CERS3: variants seen among roughly 807,000 people sequenced by gnomAD.
CERS3 encodes ceramide synthase 3.
CERS3 carries 33 observed loss-of-function variants against 50.3 expected under a neutral mutation model. The observed-to-expected ratio is 0.66, with a 90% confidence interval of 0.50 to 0.88. CERS3 has a LOEUF of 0.88. Among genes scored for constraint, CERS3 ranks in the 40% least tolerant of loss-of-function variants. The probability of loss-of-function intolerance (pLI) is 0.00; values close to 1 mark genes in which losing one functional copy is unlikely to be tolerated. For missense variants in CERS3, 470 were observed against 460.3 expected (o/e 1.02, Z -0.19); for synonymous variants, 176 against 155.2 (o/e 1.13, Z -0.99).
At chr15:100,421,029 G>A (rs1327396691) in intron 11 of CERS3, among the ~76,000 whole-genome samples, 2 of 145,136 alleles carry the variant, frequency 1.4e-5, no homozygotes, top group East Asian at 4.1e-4. Context: ...GCACAAGACA[G>A]GGATGCCCTC....
rs1477105561 is a variant in CERS3, at chr15:100,402,789, C to T, written c.1076G>A (p.Gly359Asp). The change falls in exon 12 of 12, where the codon GGC (glycine) becomes GAC (aspartate). Residue 359 changes from glycine (G) to aspartate (D), a missense_variant. Transcript: ENST00000679737. Reference protein sequence around the residue: ...EEEEEEEATKGKEMDCLKNGL... With the variant: ...EEEEEEEATKDKEMDCLKNGL... Reference sequence around the variant, plus strand: ...GTTCTTTAAACAATCCATCTCTTTGCCTTTGGTAGCCTCTTCTTCTTCCTC... The same window carrying T: ...GTTCTTTAAACAATCCATCTCTTTGTCTTTGGTAGCCTCTTCTTCTTCCTC... 2 of 1,614,158 alleles carry T rather than the reference C, an allele frequency of 1.2e-6. No individual in the cohort carries two copies. Among genetic ancestry groups the T allele is most frequent in the Non-Finnish European group, 1.7e-6 (2 of 1,180,012 alleles).
At chr15:100,469,201 CAG>C (rs1425198613) in intron 10 of CERS3, among the ~76,000 whole-genome samples, 175 bp downstream of exon 10, 1 of 152,220 alleles carries the variant, frequency 6.6e-6, no homozygotes, top group African/African-American at 2.4e-5. Flanking sequence ...TTCCACACCA[CAG>C]AGTGTTGTTT....
At chr15:100,478,168 G>T (rs2035192505) in intron 7 of CERS3, among the ~76,000 whole-genome samples, 1 of 151,946 alleles carries the variant, frequency 6.6e-6, no homozygotes, top group East Asian at 1.9e-4. Context: ...GTAGAGAACT[G>T]GGATCCATTA....
chr15:100,481,818 A>G (rs550588875), intron 5 of CERS3, among the ~76,000 whole-genome samples: 2 of 152,302 alleles, frequency 1.3e-5, no homozygotes, highest in East Asian at 3.9e-4. Context: ...GAAGCCCTAA[A>G]CCAGGGATTC....
At chr15:100,450,704 T>A (rs2034130500) in intron 11 of CERS3, among the ~76,000 whole-genome samples, 1 of 152,180 alleles carries the variant, frequency 6.6e-6, no homozygotes, top group Non-Finnish European at 1.5e-5. Flanking sequence ...TACAAGAAGT[T>A]CAGAGATTCA....
At chr15:100,446,530 T>C (rs1395976532) in intron 11 of CERS3, among the ~76,000 whole-genome samples, 2 of 152,142 alleles carry the variant, frequency 1.3e-5, no homozygotes, top group Admixed American at 6.5e-5. Context: ...TTTACTAAAG[T>C]TGGAAAACTA....
intron 11 of CERS3, among the ~76,000 whole-genome samples, chr15:100,451,611 G>A (rs991274103): frequency 6.6e-6 from 1 of 152,178 alleles, no homozygotes; most frequent in Non-Finnish European, 1.5e-5. Flanking sequence ...GAAGGCTGAG[G>A]TGGGAGAATG....
At chr15:100,484,414 C>A in intron 5 of CERS3, 136 bp downstream of exon 5, 1 of 638,720 alleles carries the variant, frequency 1.6e-6, no homozygotes, top group South Asian at 1.9e-5. Flanking sequence ...TGTGAGGAGC[C>A]TAAAACACCA....
rs1313150447 is a variant in CERS3, at chr15:100,454,623, T to C, written c.999+1270A>G. On this transcript the variant is annotated intron_variant, in intron 11 of 11. Coordinates refer to ENST00000679737, the MANE Select transcript of CERS3 (RefSeq NM_001378789.1). ...CTACTTGAAGAATACATAAGGGAAG[T>C]ACTTCAGGGAAATACTTCAGGACAT... is the stretch of plus-strand genomic sequence containing the variant. Among the ~76,000 whole-genome samples the C allele has an allele frequency of 5.3e-5, 8 of 152,090 alleles. No homozygotes were observed. In the East Asian group the frequency reaches 1.5e-3, roughly 29 times the overall value.
At chr15:100,417,800 G>C (rs1283815118) in intron 11 of CERS3, among the ~76,000 whole-genome samples, 2 of 151,758 alleles carry the variant, frequency 1.3e-5, no homozygotes, top group Admixed American at 6.5e-5. Flanking sequence ...CTAACTGAGA[G>C]GCACCCCCCA....
intron 1 of CERS3, among the ~76,000 whole-genome samples, chr15:100,542,600 A>G (rs1448343488): frequency 6.6e-6 from 1 of 152,176 alleles, no homozygotes; most frequent in Non-Finnish European, 1.5e-5. Flanking sequence ...ATAAAATACC[A>G]CTGAACTCTT....
At chr15:100,526,430 T>C (rs2036792415) in intron 1 of CERS3, among the ~76,000 whole-genome samples, 1 of 150,262 alleles carries the variant, frequency 6.7e-6, no homozygotes, top group Admixed American at 6.6e-5. Context: ...TGCCAGCTCC[T>C]GGCAGTGCTT....
At chr15:100,526,754 G>A (rs1387721464) in intron 1 of CERS3, among the ~76,000 whole-genome samples, 1 of 151,912 alleles carries the variant, frequency 6.6e-6, no homozygotes, top group Non-Finnish European at 1.5e-5. Flanking sequence ...AACTCCCTGA[G>A]GGCAGGGACT....
intron 10 of CERS3, among the ~76,000 whole-genome samples, chr15:100,456,944 G>GAAGA (rs1555526692): frequency 5.1e-5 from 7 of 135,990 alleles, no homozygotes; most frequent in Non-Finnish European, 1.1e-4. Context: ...AAGATTCCGT[G>GAAGA]AAAAAAAAAA....
chr15:100,446,085 CT>C (rs1310986160), intron 11 of CERS3, among the ~76,000 whole-genome samples: 1 of 148,304 alleles, frequency 6.7e-6, no homozygotes, highest in East Asian at 2.0e-4. Flanking sequence ...GGCCCCACCC[CT>C]ATCTCCCTTC....
intron 11 of CERS3, among the ~76,000 whole-genome samples, chr15:100,432,412 TC>T (rs1469680070): frequency 2.6e-5 from 4 of 152,134 alleles, no homozygotes; most frequent in African/African-American, 4.8e-5. Context: ...ACCAGACAAT[TC>T]CCCAGTGGAG....
chr15:100,467,254 G>GA (rs1207902155), intron 10 of CERS3, among the ~76,000 whole-genome samples: 1 of 151,778 alleles, frequency 6.6e-6, no homozygotes, highest in Non-Finnish European at 1.5e-5. Context: ...GACCCTAAGT[G>GA]AAAATCATCT....
chr15:100,440,157 C>T (rs930804539), intron 11 of CERS3, among the ~76,000 whole-genome samples: 10 of 152,190 alleles, frequency 6.6e-5, no homozygotes, highest in African/African-American at 2.4e-4. Flanking sequence ...GCCTTTCCTT[C>T]ACACCAACTA....
intron 11 of CERS3, among the ~76,000 whole-genome samples, chr15:100,440,625 G>A (rs1274036037): frequency 6.6e-6 from 1 of 152,186 alleles, no homozygotes; most frequent in Admixed American, 6.5e-5. Context: ...TGCTGTGACT[G>A]GAGGGGGGGA....
Sources: allele counts gnomAD v4.1 joint callset (sites outside exome capture counted in the v4.1 genomes callset), GRCh38; gene constraint gnomAD v4.1.1; transcripts MANE v1.5; gene names NCBI Gene and HGNC (gene_info 2026-07-23, HGNC 2026-07-21).